Variants in AGO1 observed in about 807,000 individuals in gnomAD.
AGO1 encodes argonaute RISC component 1.
A neutral mutation model predicts 109.2 loss-of-function variants in AGO1; 11 were observed. That is an observed-to-expected ratio of 0.10 (90% confidence interval 0.06 to 0.17). AGO1 has a LOEUF of 0.17. Ranked by LOEUF, AGO1 falls within the 10% of genes least tolerant of loss-of-function variation. The pLI, the probability that AGO1 is intolerant of heterozygous loss-of-function variation, is 1.00. For missense variants in AGO1, 574 were observed against 1,140.3 expected, an observed-to-expected ratio of 0.50 and a Z score of 7.15; for synonymous variants, 422 against 418.6, an observed-to-expected ratio of 1.01 and a Z score of -0.10.
chr1:35,890,114 C>G (rs553315219), intron 2 of AGO1, among the ~76,000 whole-genome samples: 19 of 151,986 alleles, frequency 1.3e-4, no homozygotes, highest in Non-Finnish European at 2.2e-4. Context: ...CCTCTGCCTC[C>G]CGGGTTCAAG....
At chr1:35,918,028 C>T (rs909332143) in intron 16 of AGO1, among the ~76,000 whole-genome samples, 2 of 152,212 alleles carry the variant, frequency 1.3e-5, no homozygotes, top group African/African-American at 2.4e-5. Flanking sequence ...CTCCTATGTG[C>T]CAGATACTGT....
upstream of AGO1, among the ~76,000 whole-genome samples, chr1:35,878,478 TTG>T (rs1448931481): frequency 6.6e-6 from 1 of 152,192 alleles, no homozygotes; most frequent in East Asian, 1.9e-4. Context: ...ATATATGTAT[TTG>T]TTTCTTCTTA....
At chr1:35,916,572 C>G (rs754005407) in intron 15 of AGO1, among the ~76,000 whole-genome samples, 2 of 152,040 alleles carry the variant, frequency 1.3e-5, no homozygotes, top group African/African-American at 4.8e-5. Context: ...TTCACTATGT[C>G]GGCCAGGCTG....
intron 8 of AGO1, among the ~76,000 whole-genome samples, chr1:35,900,452 G>T (rs1055131037): frequency 6.6e-6 from 1 of 152,166 alleles, no homozygotes; most frequent in African/African-American, 2.4e-5. Context: ...TGAAGGTCAG[G>T]CATGGTGGCT....
At chr1:35,914,303 A>C in intron 14 of AGO1, 29 bp downstream of exon 14, 1 of 1,585,602 alleles carries the variant, frequency 6.3e-7, no homozygotes, top group Non-Finnish European at 8.7e-7. Flanking sequence ...CTGCCTCATA[A>C]GGTTCTCCTC....
chr1:35,898,432 A>G (rs896756233), intron 8 of AGO1, among the ~76,000 whole-genome samples: 1 of 151,712 alleles, frequency 6.6e-6, no homozygotes, highest in African/African-American at 2.4e-5. Context: ...AATTTTTTGT[A>G]TTTTTAGTAG....
In AGO1 at chr1:35,929,698, A is replaced by C. The variant is rs1482325926; in HGVS notation, c.*10091A>C. ...GGGGTAGGGATGTGAAAGAAGAAGAAAGTAAGAATTGGAGTCAGATGTGGT... is the reference window on the plus strand; with the variant it reads ...GGGGTAGGGATGTGAAAGAAGAAGACAGTAAGAATTGGAGTCAGATGTGGT... On this transcript the variant is annotated 3_prime_UTR_variant, in exon 19 of 19. Transcript: ENST00000373204. The C allele has an allele frequency of 6.6e-6, 1 of 152,170 alleles. No homozygotes were observed. The allele number at this position is 152,170 out of a possible 1,614,324, so 9.4% of individuals were successfully genotyped here. A position where few individuals can be genotyped will look rare whatever the true frequency, so the allele number is the denominator to read the frequency against.
chr1:35,894,990 A>T, intron 7 of AGO1, 132 bp from the exon 8 acceptor site: 1 of 1,098,102 alleles, frequency 9.1e-7, no homozygotes, highest in Non-Finnish European at 1.3e-6. Flanking sequence ...AAAGTCTGGG[A>T]CTTCCTTCCT....
chr1:35,905,599 T>G (rs1645505420), intron 11 of AGO1, among the ~76,000 whole-genome samples: 1 of 152,108 alleles, frequency 6.6e-6, no homozygotes, highest in Non-Finnish European at 1.5e-5. Flanking sequence ...CCTGAGTAGC[T>G]GGGATTACAG....
intron 14 of AGO1, among the ~76,000 whole-genome samples, 180 bp downstream of exon 14, chr1:35,914,454 T>C (rs572709590): frequency 9.2e-5 from 14 of 152,290 alleles, no homozygotes; most frequent in African/African-American, 3.4e-4. Context: ...TATGGTGTCT[T>C]TTTTCAGGGA....
chr1:35,903,714 C>T (rs1279222078), intron 11 of AGO1, among the ~76,000 whole-genome samples: 4 of 151,894 alleles, frequency 2.6e-5, no homozygotes, highest in Non-Finnish European at 4.4e-5. Flanking sequence ...CCTGTAAACC[C>T]AGCACTTTGG....
intron 1 of AGO1, among the ~76,000 whole-genome samples, chr1:35,877,540 C>T (rs539624871): frequency 2.6e-5 from 4 of 152,264 alleles, no homozygotes; most frequent in African/African-American, 9.6e-5. Context: ...TCTGTCATTA[C>T]ACTTAAAGTT....
At chr1:35,884,443 A>C (rs570456585) in intron 1 of AGO1, among the ~76,000 whole-genome samples, 11 of 152,274 alleles carry the variant, frequency 7.2e-5, no homozygotes, top group African/African-American at 2.4e-4. Flanking sequence ...CTGAGTAGTG[A>C]TGGGGGCTTT....
At chr1:35,903,062 G>A (rs1165355237) in intron 11 of AGO1, among the ~76,000 whole-genome samples, 2 of 144,312 alleles carry the variant, frequency 1.4e-5, no homozygotes, top group Non-Finnish European at 3.0e-5. Flanking sequence ...CTGGAGTGCA[G>A]TGGCACGATC....
At position 35,901,711 on chromosome 1, in the gene AGO1, T is replaced by C; in HGVS notation, c.1140+118T>C. 6.7e-7 allele frequency: 1 copy of C among 1,496,382 alleles called. No homozygotes were observed. Among genetic ancestry groups the C allele is most frequent in the Non-Finnish European group, 9.1e-7 (1 of 1,104,782 alleles). 92.7% of individuals were successfully genotyped at this position (1,496,382 alleles called of 1,614,324 possible). A position where few individuals can be genotyped will look rare whatever the true frequency, so the allele number is the denominator to read the frequency against. Reference sequence around the variant, plus strand: ...AGTCTAGATTTGTTGCCTAGGACTGTATAAGGCTGCTTTTGCTTCTTGACC... The same window carrying C: ...AGTCTAGATTTGTTGCCTAGGACTGCATAAGGCTGCTTTTGCTTCTTGACC... On this transcript the variant is annotated intron_variant, in intron 9 of 18. Transcript: ENST00000373204. The surrounding 1 kb of genome is among the most constrained non-coding windows in gnomAD (Gnocchi z 4.8).
chr1:35,899,488 G>A lies in AGO1; in HGVS notation c.1021-1986G>A, dbSNP rs80122990. 3.8e-3 allele frequency among the ~76,000 whole-genome samples: 572 copies of A among 152,246 alleles called. 2 individuals carry two copies. Among genetic ancestry groups the A allele is most frequent in the South Asian group, 0.015 (73 of 4,828 alleles). ...CATACCATTTTATATTCCCACTGGC[G>A]TTGTACAAGTATTCTAATTTCACCA... On this transcript the variant is annotated intron_variant, in intron 8 of 18. Transcript: ENST00000373204.
At chr1:35,896,853 A>G (rs1443520279) in intron 8 of AGO1, among the ~76,000 whole-genome samples, 1 of 152,244 alleles carries the variant, frequency 6.6e-6, no homozygotes, top group Non-Finnish European at 1.5e-5. Context: ...TGAGGTATAA[A>G]CAGAGGTCTT....
chr1:35,901,432 CTG>C lies in AGO1; in HGVS notation c.1021-40_1021-39del. 3.7e-6 allele frequency: 6 copies of C among 1,612,954 alleles called. No homozygotes were observed. In the South Asian group the frequency reaches 6.6e-5, roughly 18 times the overall value. ...TGTGGGGCTCTGGGTACAGGGTGGA[CTG>C]TACTCAAGCCAGAGCTACCTGTCCT... On this transcript the variant is annotated intron_variant, in intron 8 of 18. Coordinates refer to ENST00000373204, the MANE Select transcript of AGO1 (RefSeq NM_012199.5). The surrounding 1 kb of genome is among the most constrained non-coding windows in gnomAD (Gnocchi z 4.8).
At chr1:35,882,999 C>A (rs933904587), upstream of AGO1, 1 of 928,366 alleles carries the variant, frequency 1.1e-6, no homozygotes, top group Non-Finnish European at 1.3e-6. The surrounding 1 kb of genome is among the most constrained non-coding windows in gnomAD (Gnocchi z 5.1). Context: ...CGGGATGTCC[C>A]TTCGCCCTGC....
Sources: gnomAD v4.1 joint callset for allele counts (sites outside exome capture counted in the v4.1 genomes callset) on GRCh38, gnomAD v4.1.1 for gene constraint, Gnocchi (gnomAD v3.1) non-coding constraint, MANE v1.5 for transcripts, NCBI Gene and HGNC (gene_info 2026-07-23, HGNC 2026-07-21) for gene names.